TASP1: variants seen among roughly 807,000 people sequenced by gnomAD.
TASP1 encodes taspase 1, also known as threonine aspartase 1.
TASP1 carries 16 observed loss-of-function variants against 56.6 expected under a neutral mutation model. The ratio of observed to expected loss-of-function variants is 0.28; its 90% CI spans 0.19 to 0.43. The LOEUF (loss-of-function observed/expected upper bound fraction) is 0.43. TASP1 is among the 20% of genes least tolerant of loss of function. TASP1 has a pLI of 1.00. For synonymous variants in TASP1, 179 were observed against 184.2 expected (o/e 0.97, Z 0.23); for missense variants, 393 against 511.6 (o/e 0.77, Z 2.24).
intron 12 of TASP1, among the ~76,000 whole-genome samples, chr20:13,434,170 T>C (rs2042924192): frequency 6.6e-6 from 1 of 152,174 alleles, no homozygotes; most frequent in South Asian, 2.1e-4. Context: ...GCATGCTGGT[T>C]ATAGGGGGTG....
the TASP1 span, among the ~76,000 whole-genome samples, chr20:13,374,321 C>T: frequency 6.6e-6 from 1 of 151,598 alleles, no homozygotes; most frequent in Non-Finnish European, 1.5e-5. Flanking sequence ...TAACAAGTCA[C>T]TGTTCCTGTT....
At chr20:13,164,683 T>G in the TASP1 span, 5 of 1,124,844 alleles carry the variant, frequency 4.4e-6, no homozygotes, top group Non-Finnish European at 6.6e-6. Context: ...GGCTTGCTAT[T>G]AATCTGGGCT....
chr20:13,318,430 G>A, the TASP1 span, among the ~76,000 whole-genome samples: 7 of 151,842 alleles, frequency 4.6e-5, no homozygotes, highest in Admixed American at 1.3e-4. Flanking sequence ...GTTTGCTTAT[G>A]AAATTAAACG....
the TASP1 span, among the ~76,000 whole-genome samples, chr20:13,313,869 T>C: frequency 6.6e-6 from 1 of 152,194 alleles, no homozygotes; most frequent in Non-Finnish European, 1.5e-5. Flanking sequence ...TGCTAAGGGC[T>C]CTAATGAATA....
At chr20:13,239,166 G>A in the TASP1 span, 1 of 152,196 alleles carries the variant, frequency 6.6e-6, no homozygotes. Flanking sequence ...TTGAACAGCA[G>A]GTATTAAATA....
the TASP1 span, among the ~76,000 whole-genome samples, chr20:13,139,785 A>G: frequency 2.6e-5 from 4 of 152,208 alleles, no homozygotes; most frequent in Admixed American, 1.3e-4. Flanking sequence ...GATTCTTTCC[A>G]AATGCTCTCC....
the TASP1 span, among the ~76,000 whole-genome samples, chr20:13,355,229 G>A: frequency 2.6e-5 from 4 of 152,180 alleles, no homozygotes; most frequent in African/African-American, 9.6e-5. Context: ...CTACTATGGG[G>A]CATTTATTTA....
chr20:13,635,225 A>T (rs2049258972), intron 1 of TASP1, among the ~76,000 whole-genome samples: 1 of 152,102 alleles, frequency 6.6e-6, no homozygotes, highest in African/African-American at 2.4e-5. Context: ...CATAAATTGT[A>T]TCTTTCCCAA....
intron 13 of TASP1, among the ~76,000 whole-genome samples, chr20:13,400,564 T>G (rs2041698842): frequency 6.6e-6 from 1 of 152,222 alleles, no homozygotes; most frequent in Non-Finnish European, 1.5e-5. Flanking sequence ...GAATTGTTAA[T>G]ATAACCCTCA....
intron 10 of TASP1, among the ~76,000 whole-genome samples, chr20:13,484,848 G>C (rs993364306): frequency 9.2e-5 from 14 of 152,054 alleles, no homozygotes; most frequent in African/African-American, 3.4e-4. Flanking sequence ...GATGAAGCTG[G>C]AAACCATCAT....
chr20:13,299,610 C>T, the TASP1 span: 3 of 763,046 alleles, frequency 3.9e-6, no homozygotes, highest in Non-Finnish European at 2.1e-6. The surrounding 1 kb of genome is among the most constrained non-coding windows in gnomAD (Gnocchi z 5.8). Flanking sequence ...ACGCTAGGGG[C>T]GTGTGCCACG....
At chr20:13,509,695 G>A (rs1601055279) in intron 10 of TASP1, among the ~76,000 whole-genome samples, 3 of 151,962 alleles carry the variant, frequency 2.0e-5, no homozygotes, top group South Asian at 2.1e-4. Flanking sequence ...GTGCAATCTC[G>A]GCCAACCGCA....
chr20:13,135,330 A>G, the TASP1 span, among the ~76,000 whole-genome samples: 2 of 152,172 alleles, frequency 1.3e-5, no homozygotes, highest in African/African-American at 2.4e-5. Flanking sequence ...GGTCTCTCCT[A>G]TAATTATGTG....
At chr20:13,465,951 A>G (rs2044240798) in intron 11 of TASP1, among the ~76,000 whole-genome samples, 1 of 152,180 alleles carries the variant, frequency 6.6e-6, no homozygotes. Flanking sequence ...GAACTCACAC[A>G]TGATAAAACT....
At chr20:13,504,826 T>C (rs547327775) in intron 10 of TASP1, among the ~76,000 whole-genome samples, 2 of 152,156 alleles carry the variant, frequency 1.3e-5, no homozygotes, top group East Asian at 3.9e-4. Context: ...TCATAGTAAC[T>C]ACAAAGCAAA....
chr20:13,557,004 C>A (rs542480967), intron 8 of TASP1, among the ~76,000 whole-genome samples: 18 of 152,236 alleles, frequency 1.2e-4, no homozygotes, highest in African/African-American at 4.1e-4. Flanking sequence ...TCTTGTTCAC[C>A]ATTATTTTCT....
chr20:13,348,798 T>A, the TASP1 span, among the ~76,000 whole-genome samples: 2 of 152,154 alleles, frequency 1.3e-5, no homozygotes, highest in Non-Finnish European at 1.5e-5. Flanking sequence ...GTTGCCAGAT[T>A]CATACGTAAG....
At chr20:13,329,864 C>T in the TASP1 span, among the ~76,000 whole-genome samples, 674 of 152,032 alleles carry the variant, frequency 4.4e-3, 3 homozygotes, top group Middle Eastern at 0.014. Context: ...ATTTTAGCTG[C>T]GGAGATTTTC....
intron 11 of TASP1, among the ~76,000 whole-genome samples, chr20:13,448,529 G>T (rs1356389445): frequency 6.6e-6 from 1 of 151,982 alleles, no homozygotes; most frequent in Admixed American, 6.6e-5. Flanking sequence ...ATTTTCCCAG[G>T]AAAGCCTAAA....
Sources: allele counts gnomAD v4.1 joint callset (sites outside exome capture counted in the v4.1 genomes callset), GRCh38; gene constraint gnomAD v4.1.1; non-coding constraint Gnocchi (gnomAD v3.1); transcripts MANE v1.5; gene names NCBI Gene and HGNC (gene_info 2026-07-23, HGNC 2026-07-21).